SPIDR: variants seen among roughly 807,000 people sequenced by gnomAD.
SPIDR encodes DNA repair-scaffolding protein.
A neutral mutation model predicts 104.6 loss-of-function variants in SPIDR; 93 were observed. That is an observed-to-expected ratio of 0.89 (90% CI 0.75 to 1.06). SPIDR has a LOEUF of 1.06. Ranked by LOEUF, SPIDR falls within the 50% of genes least tolerant of loss-of-function variation. SPIDR has a pLI of 0.00. For missense variants in SPIDR, 1,154 were observed against 1,111.2 expected (o/e 1.04, Z -0.55); for synonymous variants, 431 against 416.9 (o/e 1.03, Z -0.41).
chr8:47,298,669 T>TA, intron 5 of SPIDR, among the ~76,000 whole-genome samples: 1 of 152,250 alleles, frequency 6.6e-6, no homozygotes, highest in Non-Finnish European at 1.5e-5. Flanking sequence ...GCTTTCTACA[T>TA]ATGGCTAGCC....
chr8:47,713,873 C>G (rs546019697), intron 16 of SPIDR, among the ~76,000 whole-genome samples: 1 of 152,254 alleles, frequency 6.6e-6, no homozygotes, highest in Non-Finnish European at 1.5e-5. Flanking sequence ...AGTGCTCTAG[C>G]CGCTGATAAC....
intron 5 of SPIDR, among the ~76,000 whole-genome samples, chr8:47,297,817 A>G (rs1286287337): frequency 1.3e-5 from 2 of 152,216 alleles, no homozygotes; most frequent in African/African-American, 2.4e-5. Context: ...ATAGTATTCC[A>G]TGGTGAATAT....
chr8:47,599,241 TAGAC>T (rs1331129441), intron 10 of SPIDR, 45 bp downstream of exon 10: 6 of 1,601,434 alleles, frequency 3.7e-6, no homozygotes, highest in East Asian at 2.2e-5. Flanking sequence ...AAGAGTCACT[TAGAC>T]AGAGTGCTCT....
intron 8 of SPIDR, among the ~76,000 whole-genome samples, chr8:47,525,696 G>A (rs945130826): frequency 1.3e-5 from 2 of 151,328 alleles, no homozygotes; most frequent in Admixed American, 1.3e-4. Context: ...AACTACTCAG[G>A]CAGCTCAGGC....
chr8:47,511,281 T>A, intron 8 of SPIDR: 1 of 1,471,120 alleles, frequency 6.8e-7, no homozygotes, highest in Non-Finnish European at 9.5e-7. Flanking sequence ...ATTCGACGAT[T>A]AAGATGGAAG....
intron 7 of SPIDR, among the ~76,000 whole-genome samples, chr8:47,415,636 A>G (rs2064148770): frequency 6.6e-6 from 1 of 152,190 alleles, no homozygotes; most frequent in Non-Finnish European, 1.5e-5. Context: ...TGTGAGGAGG[A>G]TACAGCAAGA....
chr8:47,599,042 T>A lies in SPIDR; in HGVS notation c.1390T>A (p.Ser464Thr), dbSNP rs773882434. 6.2e-7 allele frequency: 1 copy of A among 1,613,076 alleles called. No homozygotes were observed. The highest frequency in any genetic ancestry group is 1.1e-5 in the South Asian group (1 of 90,890). ...CCCAACCAGCACTCCCCTGAGGGAT[T>A]CTCTCCTGGATGTGGTGGAAAGCCA... The part of the protein sequence containing the change: ...RIPTSTPLRD[S>T]LLDVVESQGA... Residue 464 changes from serine to threonine, a missense_variant, in exon 10 of 20, where the codon TCT becomes ACT. By Grantham distance (58) the Ser-to-Thr change is moderately conservative. Transcript: ENST00000297423.
At chr8:47,577,545 C>T (rs1165516190) in intron 8 of SPIDR, among the ~76,000 whole-genome samples, 1 of 152,194 alleles carries the variant, frequency 6.6e-6, no homozygotes, top group Non-Finnish European at 1.5e-5. Flanking sequence ...GTGGGTTCTG[C>T]ATCCACAACC....
chr8:47,538,875 T>TTTTTTC (rs2087505599), intron 8 of SPIDR, among the ~76,000 whole-genome samples: 1 of 145,764 alleles, frequency 6.9e-6, no homozygotes, highest in Non-Finnish European at 1.5e-5. Context: ...TTTTTTTTTT[T>TTTTTTC]TTTGAGACAG....
intron 19 of SPIDR, among the ~76,000 whole-genome samples, chr8:47,731,377 C>G (rs1337537903): frequency 6.6e-6 from 1 of 152,226 alleles, no homozygotes. Context: ...GGGACTGATG[C>G]TGAGGCCGGG....
At chr8:47,325,883 G>C (rs955630032) in intron 5 of SPIDR, among the ~76,000 whole-genome samples, 1 of 152,188 alleles carries the variant, frequency 6.6e-6, no homozygotes, top group African/African-American at 2.4e-5. Flanking sequence ...GGGGATCTAA[G>C]AGGAAGAAAG....
chr8:47,532,771 A>G (rs1454178203), intron 8 of SPIDR, among the ~76,000 whole-genome samples: 1 of 152,230 alleles, frequency 6.6e-6, no homozygotes, highest in Non-Finnish European at 1.5e-5. Flanking sequence ...TGAACAACAC[A>G]ATCAACAGAA....
intron 5 of SPIDR, among the ~76,000 whole-genome samples, chr8:47,296,970 A>C (rs1468067689): frequency 6.6e-6 from 1 of 152,098 alleles, no homozygotes; most frequent in Non-Finnish European, 1.5e-5. Flanking sequence ...ATTTACTTCT[A>C]AGTTGCTTTT....
chr8:47,331,441 T>C (rs1251787174), intron 5 of SPIDR, among the ~76,000 whole-genome samples: 2 of 152,200 alleles, frequency 1.3e-5, no homozygotes, highest in African/African-American at 2.4e-5. Flanking sequence ...CTGGATACTG[T>C]AGACAATTGG....
At chr8:47,368,825 TA>T (rs781915011) in intron 5 of SPIDR, among the ~76,000 whole-genome samples, 8 of 152,182 alleles carry the variant, frequency 5.3e-5, no homozygotes, top group Non-Finnish European at 1.0e-4. Context: ...GCACGATTTT[TA>T]AAAACTGAAA....
At chr8:47,291,965 T>G (rs983458215) in intron 4 of SPIDR, among the ~76,000 whole-genome samples, 1 of 152,212 alleles carries the variant, frequency 6.6e-6, no homozygotes, top group African/African-American at 2.4e-5. Context: ...CACCTTCCTA[T>G]GCCTGTAGGA....
chr8:47,622,974 A>G (rs899029059), intron 10 of SPIDR, among the ~76,000 whole-genome samples: 2 of 152,170 alleles, frequency 1.3e-5, no homozygotes, highest in African/African-American at 2.4e-5. Flanking sequence ...AGCGTGGCCC[A>G]CAGCAGTCTC....
intron 8 of SPIDR, among the ~76,000 whole-genome samples, chr8:47,571,016 G>A (rs1490462790): frequency 2.6e-5 from 4 of 151,972 alleles, no homozygotes; most frequent in African/African-American, 7.3e-5. Flanking sequence ...GCTTGAACCC[G>A]GGAGGCAGAA....
At chr8:47,715,229 T>G (rs1246645996) in intron 16 of SPIDR, among the ~76,000 whole-genome samples, 1 of 152,092 alleles carries the variant, frequency 6.6e-6, no homozygotes, top group Non-Finnish European at 1.5e-5. Flanking sequence ...CAGGCTGGAG[T>G]GCAGTGGTGT....
Sources: allele counts gnomAD v4.1 joint callset (sites outside exome capture counted in the v4.1 genomes callset), GRCh38; gene constraint gnomAD v4.1.1; transcripts MANE v1.5; gene names NCBI Gene and HGNC (gene_info 2026-07-23, HGNC 2026-07-21).